Variants in OCA2 observed in about 807,000 individuals in gnomAD.
The protein encoded by OCA2 is OCA2 melanosomal transmembrane protein.
Under a neutral mutation model 100.2 loss-of-function variants are expected in OCA2, and 77 were observed. The ratio of observed to expected loss-of-function variants is 0.77; its 90% CI spans 0.64 to 0.93. OCA2 has a LOEUF of 0.93. Ranked by LOEUF, OCA2 falls within the 40% of genes least tolerant of loss-of-function variation. The pLI, the probability that OCA2 is intolerant of heterozygous loss-of-function variation, is 0.00. For synonymous variants in OCA2, 432 were observed against 439.2 expected (o/e 0.98, Z 0.21); for missense variants, 1,062 against 1,089.1 (o/e 0.98, Z 0.35).
Position 27,897,189 on chromosome 15 carries a change from CAAAAAA to C in OCA2, c.2080-25273_2080-25268del, listed in dbSNP as rs34697199. Among the ~76,000 whole-genome samples the C allele has an allele frequency of 2.3e-5, 3 of 131,326 alleles. No homozygotes were observed. In the East Asian group the frequency reaches 6.5e-4, roughly 28 times the overall value. The allele number at this position is 131,326 out of a possible 152,430, so 86.2% of individuals were successfully genotyped here. A position where few individuals can be genotyped will look rare whatever the true frequency, so the allele number is the denominator to read the frequency against. Reference sequence around the variant, plus strand: ...TGGGCGACAGAGCAAGACTCCGTCTCAAAAAAAAAAAAAAAGAAATCTTCTTGGCAG... The same window carrying C: ...TGGGCGACAGAGCAAGACTCCGTCTCAAAAAAAAAGAAATCTTCTTGGCAG... On this transcript the variant is annotated intron_variant, in intron 19 of 23. Transcript: ENST00000354638.
chr15:27,841,706 G>C (rs886389860), intron 23 of OCA2, among the ~76,000 whole-genome samples: 2 of 152,124 alleles, frequency 1.3e-5, no homozygotes, highest in Non-Finnish European at 2.9e-5. Flanking sequence ...CTGAAAAATA[G>C]GAAAATTCAT....
At chr15:27,932,443 G>A (rs2039286864) in intron 18 of OCA2, among the ~76,000 whole-genome samples, 1 of 150,664 alleles carries the variant, frequency 6.6e-6, no homozygotes, top group Non-Finnish European at 1.5e-5. Flanking sequence ...TTGTGAAACT[G>A]AGATATTCAA....
chr15:27,996,400 G>T (rs573072130), intron 9 of OCA2, among the ~76,000 whole-genome samples: 54 of 151,932 alleles, frequency 3.6e-4, no homozygotes, highest in Non-Finnish European at 7.1e-4. Context: ...AGAAGAAAGA[G>T]CTCAAATAAA....
the OCA2 span, among the ~76,000 whole-genome samples, chr15:27,729,844 C>T: frequency 2.6e-5 from 4 of 152,148 alleles, no homozygotes; most frequent in Admixed American, 2.6e-4. Flanking sequence ...ATTTACACTT[C>T]TATTAAAGGA....
chr15:27,944,601 C>T (rs148924575), intron 18 of OCA2, among the ~76,000 whole-genome samples: 1 of 152,250 alleles, frequency 6.6e-6, no homozygotes, highest in Non-Finnish European at 1.5e-5. Flanking sequence ...AGACTGATGG[C>T]TCCACCTGGA....
At chr15:27,952,885 G>C (rs1056524379) in intron 17 of OCA2, among the ~76,000 whole-genome samples, 3 of 152,010 alleles carry the variant, frequency 2.0e-5, no homozygotes, top group Non-Finnish European at 2.9e-5. Flanking sequence ...GTTTCACCAT[G>C]TTGCCCAGGC....
At chr15:28,083,915 C>T (rs534508884) in intron 1 of OCA2, among the ~76,000 whole-genome samples, 3 of 152,332 alleles carry the variant, frequency 2.0e-5, no homozygotes, top group African/African-American at 7.2e-5. Flanking sequence ...TCCTAAAACA[C>T]CCAGCTTCTT....
At chr15:27,978,847 G>A (rs574742006) in intron 14 of OCA2, among the ~76,000 whole-genome samples, 290 of 152,048 alleles carry the variant, frequency 1.9e-3, no homozygotes, top group African/African-American at 6.8e-3. Context: ...CACCATGCCC[G>A]GCTAATATTT....
intron 23 of OCA2, among the ~76,000 whole-genome samples, chr15:27,761,505 T>C (rs1343471179): frequency 1.3e-5 from 2 of 150,652 alleles, no homozygotes; most frequent in South Asian, 2.1e-4. Flanking sequence ...TGGAGAGATA[T>C]AGAGTGTTCA....
intron 2 of OCA2, among the ~76,000 whole-genome samples, chr15:28,070,088 G>A (rs1319677551): frequency 1.7e-5 from 2 of 114,418 alleles, no homozygotes; most frequent in Non-Finnish European, 3.1e-5. Context: ...CCTCTGCCCG[G>A]CCGAGACCCC....
the OCA2 span, among the ~76,000 whole-genome samples, chr15:27,730,432 G>A: frequency 6.6e-6 from 1 of 152,156 alleles, no homozygotes; most frequent in Non-Finnish European, 1.5e-5. Flanking sequence ...TGGAAGGTCT[G>A]CAAACCCCGT....
At chr15:27,796,079 A>C (rs1566969568) in intron 23 of OCA2, among the ~76,000 whole-genome samples, 1 of 152,236 alleles carries the variant, frequency 6.6e-6, no homozygotes, top group Non-Finnish European at 1.5e-5. Context: ...CCAGAAGGGA[A>C]AAGAAGATGC....
At chr15:27,771,676 C>A (rs2031878259) in intron 23 of OCA2, among the ~76,000 whole-genome samples, 1 of 152,222 alleles carries the variant, frequency 6.6e-6, no homozygotes, top group South Asian at 2.1e-4. Flanking sequence ...CAGAAAATCA[C>A]CCATTGTGTG....
At chr15:27,906,074 T>C (rs896816223) in intron 19 of OCA2, among the ~76,000 whole-genome samples, 1 of 152,112 alleles carries the variant, frequency 6.6e-6, no homozygotes, top group Non-Finnish European at 1.5e-5. Flanking sequence ...GTACAAAAAA[T>C]AGGGTTAGTT....
chr15:27,814,553 A>T (rs565279245), intron 23 of OCA2, among the ~76,000 whole-genome samples: 41 of 152,316 alleles, frequency 2.7e-4, no homozygotes, highest in African/African-American at 9.4e-4. Context: ...TTATTGTATC[A>T]TCATTCTAAG....
intron 9 of OCA2, among the ~76,000 whole-genome samples, chr15:27,991,654 A>AT (rs33997466): frequency 0.6 from 91,829 of 151,946 alleles, 31,858 homozygotes; most frequent in Non-Finnish European, 0.79. Flanking sequence ...AGAACTCTAA[A>AT]CTGGTAAAAA....
intron 19 of OCA2, among the ~76,000 whole-genome samples, chr15:27,914,714 G>T (rs115060459): frequency 0.027 from 4,042 of 152,160 alleles, 161 homozygotes; most frequent in South Asian, 0.21. Flanking sequence ...AATCAGTGAT[G>T]ACACAAACAA....
At chr15:27,803,863 T>C (rs79601704) in intron 23 of OCA2, among the ~76,000 whole-genome samples, 194 of 152,314 alleles carry the variant, frequency 1.3e-3, no homozygotes, top group African/African-American at 4.6e-3. Context: ...AGAGTTCTCA[T>C]ACACTGCTGG....
chr15:27,814,939 GATAGATAC>G (rs762354404), intron 23 of OCA2, among the ~76,000 whole-genome samples: 3 of 134,698 alleles, frequency 2.2e-5, no homozygotes, highest in Admixed American at 2.2e-4. Context: ...TAGATAGATA[GATAGATAC>G]AGAGATATAT....
Sources: gnomAD v4.1 joint callset for allele counts (sites outside exome capture counted in the v4.1 genomes callset) on GRCh38, gnomAD v4.1.1 for gene constraint, MANE v1.5 for transcripts, NCBI Gene and HGNC (gene_info 2026-07-23, HGNC 2026-07-21) for gene names.